Variants in TACR3 observed in about 807,000 individuals in gnomAD.
The protein encoded by TACR3 is neuromedin-K receptor.
A neutral mutation model predicts 35.0 loss-of-function variants in TACR3; 34 were observed. The observed-to-expected ratio is 0.97, with a 90% CI of 0.74 to 1.30. TACR3 has a LOEUF of 1.30. TACR3 is among the 50% of genes most tolerant of loss of function. The probability of loss-of-function intolerance (pLI) is 0.00; values close to 1 mark genes in which losing one functional copy is unlikely to be tolerated. For missense variants in TACR3, 558 were observed against 591.7 expected, an observed-to-expected ratio of 0.94 and a Z score of 0.59; for synonymous variants, 233 against 221.1, an observed-to-expected ratio of 1.05 and a Z score of -0.48.
At chr4:103,628,360 G>T (rs1263799145) in intron 3 of TACR3, among the ~76,000 whole-genome samples, 1 of 151,608 alleles carries the variant, frequency 6.6e-6, no homozygotes, top group African/African-American at 2.4e-5. Flanking sequence ...TCCAGGAGCT[G>T]GTTTTTTGAA....
chr4:103,669,712 ATTT>A (rs1277562415), intron 1 of TACR3, among the ~76,000 whole-genome samples: 1 of 151,908 alleles, frequency 6.6e-6, no homozygotes, highest in African/African-American at 2.4e-5. Context: ...CTATTGAGGT[ATTT>A]GAGTTTCTTA....
chr4:103,637,041 C>T (rs374895461), intron 3 of TACR3, among the ~76,000 whole-genome samples: 3 of 152,116 alleles, frequency 2.0e-5, no homozygotes, highest in African/African-American at 4.8e-5. Flanking sequence ...CCTTCTGAAA[C>T]TATTCCAATC....
At chr4:103,634,680 G>A (rs906699423) in intron 3 of TACR3, among the ~76,000 whole-genome samples, 88 of 151,898 alleles carry the variant, frequency 5.8e-4, no homozygotes, top group Admixed American at 5.3e-4. Flanking sequence ...CTGGATTTTC[G>A]CACAGAAATT....
chr4:103,658,679 T>C (rs1725779354), intron 1 of TACR3, among the ~76,000 whole-genome samples: 1 of 152,158 alleles, frequency 6.6e-6, no homozygotes, highest in Middle Eastern at 3.4e-3. Flanking sequence ...AGAACACCCA[T>C]CTCTTGGGGT....
intron 3 of TACR3, among the ~76,000 whole-genome samples, chr4:103,633,230 A>C (rs1215115172): frequency 2.0e-5 from 3 of 152,034 alleles, no homozygotes; most frequent in African/African-American, 7.2e-5. Flanking sequence ...GAGATAATGT[A>C]TGTGACTAAC....
intron 3 of TACR3, among the ~76,000 whole-genome samples, chr4:103,591,920 A>T (rs1723905958): frequency 6.6e-6 from 1 of 152,164 alleles, no homozygotes; most frequent in Admixed American, 6.6e-5. Flanking sequence ...TGCTAACTCA[A>T]ACACGGACAA....
chr4:103,606,937 A>G (rs1724385982), intron 3 of TACR3, among the ~76,000 whole-genome samples: 1 of 152,092 alleles, frequency 6.6e-6, no homozygotes, highest in African/African-American at 2.4e-5. Flanking sequence ...TTGCCCATTC[A>G]GTATGATATT....
rs1723795134 is a variant in TACR3, at chr4:103,587,666, A to T, written c.*2016T>A. On this transcript the variant is annotated 3_prime_UTR_variant, in exon 5 of 5. Transcript: ENST00000304883. ...CTGAATATGGTTCCATATGTCTAAA[A>T]CATTAATTAATGCTAGTACCATATC... 1 of 152,134 alleles carries T rather than the reference A, an allele frequency of 6.6e-6. No homozygotes were observed. Among genetic ancestry groups the T allele is most frequent in the Admixed American group, 6.6e-5 (1 of 15,234 alleles). 9.4% of individuals were successfully genotyped at this position (152,134 alleles called of 1,614,324 possible).
At position 103,717,634 on chromosome 4, in the gene TACR3, C is replaced by T. The variant is rs1445260485; in HGVS notation, c.548+1494G>A. 2.6e-5 allele frequency among the ~76,000 whole-genome samples: 4 copies of T among 152,052 alleles called. No homozygotes were observed. In the East Asian group the frequency reaches 5.8e-4, roughly 22 times the overall value. On this transcript the variant is annotated intron_variant, in intron 1 of 4. Transcript: ENST00000304883. ...CAAGAAGACTGTAAGAATTTTATAACATTATATGCTAATACCTCTCCCCCT... is the reference window on the plus strand; with the variant it reads ...CAAGAAGACTGTAAGAATTTTATAATATTATATGCTAATACCTCTCCCCCT...
At chr4:103,658,782 C>T (rs7681765) in intron 1 of TACR3, among the ~76,000 whole-genome samples, 1 of 151,590 alleles carries the variant, frequency 6.6e-6, no homozygotes, top group Non-Finnish European at 1.5e-5. Context: ...CATGGACTGG[C>T]AGTGGGTGAG....
Position 103,637,570 on chromosome 4 carries a change from T to C in TACR3, c.888+18624A>G, listed in dbSNP as rs7679478. ...CTCTCACCACTCCTATTCAACATAG[T>C]GTTGGAAGTTCTGGCCAGGGCAATC... On this transcript the variant is annotated intron_variant, in intron 3 of 4. Transcript: ENST00000304883. Among the ~76,000 whole-genome samples the C allele has an allele frequency of 4.0e-5, 6 of 151,842 alleles. No homozygotes were observed. In the East Asian group the frequency reaches 1.2e-3, roughly 29 times the overall value.
At chr4:103,641,111 T>C (rs1157330134) in intron 3 of TACR3, among the ~76,000 whole-genome samples, 1 of 151,994 alleles carries the variant, frequency 6.6e-6, no homozygotes, top group Non-Finnish European at 1.5e-5. Context: ...ATTTTATTCT[T>C]CTGCATGTGT....
chr4:103,602,258 T>TGC (rs1724224659), intron 3 of TACR3, among the ~76,000 whole-genome samples: 1 of 152,194 alleles, frequency 6.6e-6, no homozygotes, highest in African/African-American at 2.4e-5. Flanking sequence ...AGGACTTCTC[T>TGC]GCATTGGTTA....
At chr4:103,683,470 C>CAAAAAAAA (rs57761679) in intron 1 of TACR3, among the ~76,000 whole-genome samples, 8 of 21,150 alleles carry the variant, frequency 3.8e-4, no homozygotes, top group Non-Finnish European at 4.4e-4. Context: ...AAAGACTGAC[C>CAAAAAAAA]AAAAAAAAAA....
intron 1 of TACR3, among the ~76,000 whole-genome samples, chr4:103,659,311 G>A (rs562761454): frequency 6.6e-6 from 1 of 152,282 alleles, no homozygotes; most frequent in East Asian, 1.9e-4. Context: ...ATAAATGTCT[G>A]TTGAATGGAA....
At chr4:103,681,552 C>A (rs1393507693) in intron 1 of TACR3, among the ~76,000 whole-genome samples, 1 of 152,000 alleles carries the variant, frequency 6.6e-6, no homozygotes, top group East Asian at 1.9e-4. Flanking sequence ...CTTAAAGGAT[C>A]AATTTACCAA....
At chr4:103,632,148 C>T (rs779480641) in intron 3 of TACR3, among the ~76,000 whole-genome samples, 1 of 152,000 alleles carries the variant, frequency 6.6e-6, no homozygotes, top group Admixed American at 6.6e-5. Flanking sequence ...GAAACATGGA[C>T]AACATTTAGA....
At chr4:103,700,096 T>A (rs548809031) in intron 1 of TACR3, among the ~76,000 whole-genome samples, 1 of 152,286 alleles carries the variant, frequency 6.6e-6, no homozygotes, top group East Asian at 1.9e-4. Flanking sequence ...CATGTGCTGG[T>A]AAATGATTTT....
At chr4:103,689,768 A>G (rs1191408656) in intron 1 of TACR3, among the ~76,000 whole-genome samples, 1 of 152,120 alleles carries the variant, frequency 6.6e-6, no homozygotes, top group African/African-American at 2.4e-5. Flanking sequence ...GAAGGGAACA[A>G]AAATATTTTT....
Sources: allele counts gnomAD v4.1 joint callset (sites outside exome capture counted in the v4.1 genomes callset), GRCh38; gene constraint gnomAD v4.1.1; transcripts MANE v1.5; gene names NCBI Gene and HGNC (gene_info 2026-07-23, HGNC 2026-07-21).